USP49: variants seen among roughly 807,000 people sequenced by gnomAD.
USP49 encodes ubiquitin specific peptidase 49, also known as ubiquitin carboxyl-terminal hydrolase 49.
Under a neutral mutation model 58.6 loss-of-function variants are expected in USP49, and 24 were observed. The ratio of observed to expected loss-of-function variants is 0.41; its 90% CI spans 0.30 to 0.58. The LOEUF is 0.58. USP49 is among the 20% of genes least tolerant of loss of function. The probability of loss-of-function intolerance (pLI) is 0.30; values close to 1 mark genes in which losing one functional copy is unlikely to be tolerated. For missense variants in USP49, 703 were observed against 866.1 expected (o/e 0.81, Z 2.36); for synonymous variants, 408 against 365.1 (o/e 1.12, Z -1.34).
intron 3 of USP49, among the ~76,000 whole-genome samples, chr6:41,865,916 CTTT>C (rs34663718): frequency 0.014 from 919 of 65,344 alleles, 6 homozygotes; most frequent in South Asian, 0.024. Context: ...AGCATGGTGC[CTTT>C]TTTTTTTTTT....
At chr6:41,840,746 ACCT>A (rs1271382077) in intron 3 of USP49, among the ~76,000 whole-genome samples, 4 of 151,388 alleles carry the variant, frequency 2.6e-5, no homozygotes, top group Non-Finnish European at 1.5e-5. Context: ...TCTTAGCCCA[ACCT>A]CCTATTTTTC....
chr6:41,825,828 T>C (rs1254434853), intron 3 of USP49, among the ~76,000 whole-genome samples: 1 of 152,200 alleles, frequency 6.6e-6, no homozygotes, highest in East Asian at 1.9e-4. Flanking sequence ...AGACAGCCTA[T>C]AGCCAAGGGT....
At chr6:41,850,464 A>C (rs9357369) in intron 3 of USP49, among the ~76,000 whole-genome samples, 73,047 of 149,276 alleles carry the variant, frequency 0.49, 17,988 homozygotes, top group Middle Eastern at 0.52. Flanking sequence ...AAAAAAAAAA[A>C]ATAAATAAAT....
rs1561903783 is a variant in USP49, at chr6:41,805,850, G to C, written c.1134C>G (p.Pro378=). The change falls in exon 4 of 8, where the codon CCC becomes CCG. Residue 378 remains proline (P), a synonymous_variant. Coordinates refer to ENST00000682992, the MANE Select transcript of USP49 (RefSeq NM_001286554.2). ...MWSGKWALVS[P]FAMLHSVWSL... ...TCCACACTGAGTGGAGCATGGCGAAGGGCGACACTAGGGCCCACTTCCCGG... is the reference window on the plus strand; with the variant it reads ...TCCACACTGAGTGGAGCATGGCGAACGGCGACACTAGGGCCCACTTCCCGG... 6.2e-7 allele frequency: 1 copy of C among 1,614,034 alleles called. No homozygotes were observed. Among genetic ancestry groups the C allele is most frequent in the Non-Finnish European group, 8.5e-7 (1 of 1,180,022 alleles).
chr6:41,864,769 C>A (rs1774281366), intron 3 of USP49, among the ~76,000 whole-genome samples: 3 of 152,026 alleles, frequency 2.0e-5, no homozygotes, highest in African/African-American at 7.2e-5. Flanking sequence ...TTAGAAACGG[C>A]TGAAGTTAGT....
At chr6:41,857,944 T>C (rs565421776) in intron 3 of USP49, among the ~76,000 whole-genome samples, 22 of 152,338 alleles carry the variant, frequency 1.4e-4, no homozygotes, top group African/African-American at 4.1e-4. Flanking sequence ...AAGCAGCTGC[T>C]ATACTATTCA....
Position 41,803,675 on chromosome 6 carries a change from T to C in USP49, c.1561+131A>G. 9.8e-7 allele frequency: 1 copy of C among 1,015,318 alleles called. No homozygotes were observed. The allele number at this position is 1,015,318 out of a possible 1,614,324, so 62.9% of individuals were successfully genotyped here. ...TTTTTAGAAAAATGGGAGAAAAAGA[T>C]CTTTAAAAGATGCTTTAGAACCATT... On this transcript the variant is annotated intron_variant, in intron 5 of 7. Coordinates refer to ENST00000682992, the MANE Select transcript of USP49 (RefSeq NM_001286554.2). The surrounding 1 kb of genome is among the most constrained non-coding windows in gnomAD (Gnocchi z 4.1).
chr6:41,884,148 C>T (rs532390693), intron 2 of USP49, among the ~76,000 whole-genome samples: 17 of 152,126 alleles, frequency 1.1e-4, no homozygotes, highest in Admixed American at 4.6e-4. Flanking sequence ...CTCAGCCTCC[C>T]GAATAGCTGG....
intron 3 of USP49, among the ~76,000 whole-genome samples, chr6:41,860,974 T>C (rs962460863): frequency 2.0e-5 from 3 of 151,034 alleles, no homozygotes; most frequent in Non-Finnish European, 4.4e-5. Flanking sequence ...TACTAAAATA[T>C]AAAAACTAGC....
chr6:41,882,740 CCTCGT>C lies in USP49; in HGVS notation c.-103+9049_-103+9053del, dbSNP rs565776744. ...AGCCATCCTGGCTAACACGGTGAAA[CCTCGT>C]CTCTACTAAAAATACAAAAAATTAG... On this transcript the variant is annotated intron_variant, in intron 2 of 7. Coordinates refer to ENST00000682992, the MANE Select transcript of USP49 (RefSeq NM_001286554.2). 2.2e-4 allele frequency among the ~76,000 whole-genome samples: 33 copies of C among 152,226 alleles called. No individual in the cohort carries two copies. In the East Asian group the frequency reaches 6.4e-3, roughly 29 times the overall value.
chr6:41,827,282 C>G (rs969784551), intron 3 of USP49, among the ~76,000 whole-genome samples: 2 of 152,130 alleles, frequency 1.3e-5, no homozygotes, highest in South Asian at 2.1e-4. Context: ...GGTAATGCCA[C>G]CTGGGAGGGC....
At chr6:41,834,901 G>A (rs1385747337) in intron 3 of USP49, among the ~76,000 whole-genome samples, 3 of 152,166 alleles carry the variant, frequency 2.0e-5, no homozygotes, top group African/African-American at 7.2e-5. Flanking sequence ...GCTGAGTCAA[G>A]GTTCCAGCTC....
intron 2 of USP49, chr6:41,886,549 G>C (rs1774715191): frequency 6.6e-6 from 1 of 152,128 alleles, no homozygotes; most frequent in Admixed American, 6.5e-5. Context: ...ATCCATAACT[G>C]CAAAAATAAG....
intron 2 of USP49, among the ~76,000 whole-genome samples, chr6:41,881,081 T>C (rs1471038313): frequency 6.6e-6 from 1 of 151,620 alleles, no homozygotes. Context: ...TACAGGCGCC[T>C]GCCACCACAC....
rs563821517 is a variant in USP49, at chr6:41,806,681, C to T, written c.303G>A (p.Ala101=). The T allele has an allele frequency of 2.5e-6, 4 of 1,614,166 alleles. No homozygotes were observed. Among genetic ancestry groups the T allele is most frequent in the African/African-American group, 2.7e-5 (2 of 75,068 alleles). ...DLKLLRSSLL[A]VRGQKQDTPV... is the part of the protein sequence containing the mutation. ...GCGTGTCCTGTTTCTGGCCCCGGAC[C>T]GCCAGGAGGGAGCTTCTTAGCAGCT... Residue 101 remains alanine, a synonymous_variant, in exon 4 of 8, where the codon GCG becomes GCA. Transcript: ENST00000682992. This position sits in a 1 kb window ranked among gnomAD's most constrained non-coding sequence, Gnocchi z 5.9.
At chr6:41,880,101 T>C (rs1774577714) in intron 2 of USP49, among the ~76,000 whole-genome samples, 1 of 151,632 alleles carries the variant, frequency 6.6e-6, no homozygotes, top group Non-Finnish European at 1.5e-5. Context: ...CTAGTCCATC[T>C]GAAACAAAAA....
chr6:41,841,580 T>C (rs756745876), intron 3 of USP49, among the ~76,000 whole-genome samples: 9 of 152,202 alleles, frequency 5.9e-5, no homozygotes, highest in Non-Finnish European at 1.0e-4. Context: ...TTCAGCATGT[T>C]GAAATCCTGA....
At chr6:41,829,376 ACG>A (rs1773596759) in intron 3 of USP49, among the ~76,000 whole-genome samples, 4 of 151,396 alleles carry the variant, frequency 2.6e-5, no homozygotes, top group African/African-American at 9.7e-5. Context: ...GTGCAATGGC[ACG>A]ATCTTGGCTC....
intron 3 of USP49, among the ~76,000 whole-genome samples, chr6:41,813,153 G>C (rs1399726313): frequency 6.6e-6 from 1 of 152,028 alleles, no homozygotes; most frequent in Non-Finnish European, 1.5e-5. Context: ...AGACAGCATA[G>C]ACTTAAACAC....
Sources: allele counts gnomAD v4.1 joint callset (sites outside exome capture counted in the v4.1 genomes callset), GRCh38; gene constraint gnomAD v4.1.1; non-coding constraint Gnocchi (gnomAD v3.1); transcripts MANE v1.5; gene names NCBI Gene and HGNC (gene_info 2026-07-23, HGNC 2026-07-21).